Variants in LRP1B observed in about 807,000 individuals in gnomAD.
LRP1B encodes the protein LDL receptor related protein 1B.
LRP1B carries 217 observed loss-of-function variants against 556.6 expected under a neutral mutation model. That is an observed-to-expected ratio of 0.39 (90% CI 0.35 to 0.44). The LOEUF is 0.44. Ranked by LOEUF, LRP1B falls within the 20% of genes least tolerant of loss-of-function variation. The pLI is 1.00. For synonymous variants in LRP1B, 2,047 were observed against 1,865.8 expected (o/e 1.10, Z -2.50); for missense variants, 5,053 against 5,620.8 (o/e 0.90, Z 3.23).
intron 66 of LRP1B, among the ~76,000 whole-genome samples, chr2:140,397,887 T>G (rs1684321145): frequency 6.6e-6 from 1 of 152,202 alleles, no homozygotes; most frequent in Non-Finnish European, 1.5e-5. Context: ...ATTTATATAT[T>G]TATCTTGTTC....
At chr2:141,822,853 A>G (rs1200072759) in intron 1 of LRP1B, among the ~76,000 whole-genome samples, 1 of 152,186 alleles carries the variant, frequency 6.6e-6, no homozygotes, top group Non-Finnish European at 1.5e-5. Context: ...ATGGTTTAGT[A>G]AAGCGGTGGG....
At chr2:140,432,368 G>A (rs1685987964) in intron 66 of LRP1B, among the ~76,000 whole-genome samples, 1 of 152,196 alleles carries the variant, frequency 6.6e-6, no homozygotes, top group South Asian at 2.1e-4. Flanking sequence ...CTCACACAAA[G>A]CCTGTTTGGT....
At chr2:141,522,841 A>C (rs1684572884) in intron 2 of LRP1B, among the ~76,000 whole-genome samples, 2 of 152,114 alleles carry the variant, frequency 1.3e-5, no homozygotes, top group African/African-American at 4.8e-5. Context: ...CTTTTATCTT[A>C]TCTGTGAGCA....
At chr2:140,604,611 T>C (rs1346772612) in intron 41 of LRP1B, among the ~76,000 whole-genome samples, 1 of 152,092 alleles carries the variant, frequency 6.6e-6, no homozygotes, top group South Asian at 2.1e-4. Context: ...GGAAAGGCAG[T>C]GAAGGGTATT....
intron 7 of LRP1B, among the ~76,000 whole-genome samples, chr2:141,073,809 C>T (rs1699709951): frequency 6.6e-6 from 1 of 152,064 alleles, no homozygotes; most frequent in South Asian, 2.1e-4. Flanking sequence ...CAACTTATCA[C>T]CACATCCTGC....
intron 3 of LRP1B, among the ~76,000 whole-genome samples, chr2:141,342,962 G>C (rs1430963222): frequency 6.6e-6 from 1 of 152,056 alleles, no homozygotes; most frequent in African/African-American, 2.4e-5. Flanking sequence ...AAATGTTAAG[G>C]GCAGCCAGAG....
rs2105324419 is a variant in LRP1B, at chr2:140,457,648, G to A, written c.9629C>T (p.Pro3210Leu). ...AATCACCCCTGGAATATCTTGATTA[G>A]GGACTGTAATAGGAGATGGTAAGAT... ...NMDGSHRHKV[P>L]NQDIPGVIAL... Residue 3210 changes from proline to leucine, a missense_variant, in exon 61 of 91, where the codon CCT (proline) becomes CTT (leucine). Physicochemically the swap from Pro to Leu is moderately conservative, Grantham distance 98. Around this residue, in one of 5 missense-constraint regions of LRP1B, gnomAD observed 262 missense variants for 395.1 expected, o/e 0.66. Transcript: ENST00000389484. 1.2e-6 allele frequency: 2 copies of A among 1,611,644 alleles called. No homozygotes were observed. The highest frequency in any genetic ancestry group is 1.7e-6 in the Non-Finnish European group (2 of 1,177,938).
rs766108251 is a variant in LRP1B, at chr2:140,716,782, G to T, written c.5793C>A (p.Phe1931Leu). ...NDTIYWTDMG[F>L]NKISRAKRDQ... ...CTCTTTTAGCTCTGCTAATTTTATTGAAGCCCATGTCTGTCCAGTAGATGG... is the reference window on the plus strand; with the variant it reads ...CTCTTTTAGCTCTGCTAATTTTATTTAAGCCCATGTCTGTCCAGTAGATGG... The change falls in exon 36 of 91, where the codon TTC (phenylalanine) becomes TTA (leucine). Residue 1931 changes from phenylalanine to leucine, a missense_variant. By Grantham distance (22) the Phe-to-Leu change is conservative. Transcript: ENST00000389484. The T allele has an allele frequency of 1.9e-6, 3 of 1,607,788 alleles. No homozygotes were observed. The highest frequency in any genetic ancestry group is 2.6e-6 in the Non-Finnish European group (3 of 1,175,398).
intron 2 of LRP1B, among the ~76,000 whole-genome samples, chr2:141,713,115 ACT>A (rs1300461342): frequency 6.8e-6 from 1 of 147,416 alleles, no homozygotes; most frequent in East Asian, 2.0e-4. Context: ...ACAGGGTCTC[ACT>A]CTGTCAGTGG....
chr2:140,879,877 G>C (rs1224723831), intron 25 of LRP1B, among the ~76,000 whole-genome samples: 2 of 150,836 alleles, frequency 1.3e-5, no homozygotes, highest in African/African-American at 4.9e-5. Flanking sequence ...ACAACTTGTA[G>C]CATTATAGGC....
At chr2:141,333,937 C>T (rs149216741) in intron 3 of LRP1B, among the ~76,000 whole-genome samples, 201 of 152,216 alleles carry the variant, frequency 1.3e-3, no homozygotes, top group African/African-American at 4.7e-3. Context: ...GATGACATTC[C>T]TGATCTCCTT....
At chr2:140,973,451 T>C (rs540454863) in intron 18 of LRP1B, among the ~76,000 whole-genome samples, 51 of 152,220 alleles carry the variant, frequency 3.4e-4, no homozygotes, top group African/African-American at 1.2e-3. Context: ...CTCACTCATG[T>C]ACATATTTTG....
chr2:141,342,274 A>AAAATAAAAT (rs1553499762), intron 3 of LRP1B, among the ~76,000 whole-genome samples: 4 of 142,030 alleles, frequency 2.8e-5, no homozygotes, highest in African/African-American at 1.0e-4. Flanking sequence ...AAATAAAAAT[A>AAAATAAAAT]AAATAAATAA....
intron 41 of LRP1B, among the ~76,000 whole-genome samples, chr2:140,610,775 C>T (rs971559861): frequency 5.9e-5 from 9 of 152,066 alleles, no homozygotes; most frequent in Non-Finnish European, 1.2e-4. Flanking sequence ...TTAGTGGAGA[C>T]GGGATTTCGC....
chr2:140,483,638 A>ATTTTTT (rs1378417792), intron 59 of LRP1B, among the ~76,000 whole-genome samples: 1 of 74,074 alleles, frequency 1.3e-5, no homozygotes, highest in African/African-American at 5.3e-5. Flanking sequence ...ATATATATAT[A>ATTTTTT]TATTTTTTTT....
intron 3 of LRP1B, among the ~76,000 whole-genome samples, chr2:141,419,853 C>T (rs1680073242): frequency 6.6e-6 from 1 of 151,680 alleles, no homozygotes; most frequent in African/African-American, 2.4e-5. Flanking sequence ...ATCTTTATTT[C>T]ATTTCATTTC....
intron 50 of LRP1B, among the ~76,000 whole-genome samples, chr2:140,516,392 A>G (rs1689900445): frequency 6.6e-6 from 1 of 152,056 alleles, no homozygotes; most frequent in South Asian, 2.1e-4. Flanking sequence ...TAAAATGTAC[A>G]GGATGATGTG....
chr2:140,532,228 A>G (rs6734931), intron 47 of LRP1B, among the ~76,000 whole-genome samples: 75,464 of 151,872 alleles, frequency 0.5, 19,101 homozygotes, highest in East Asian at 0.61. Flanking sequence ...TATTCTTTTC[A>G]TTCCTTTTTG....
intron 31 of LRP1B, among the ~76,000 whole-genome samples, chr2:140,829,283 T>C (rs191867819): frequency 6.6e-6 from 1 of 152,232 alleles, no homozygotes; most frequent in East Asian, 1.9e-4. Context: ...ACCAAATGAA[T>C]CAAACTGACA....
Sources: allele counts gnomAD v4.1 joint callset (sites outside exome capture counted in the v4.1 genomes callset), GRCh38; gene constraint gnomAD v4.1.1; regional missense constraint gnomAD v4.1.1; transcripts MANE v1.5; gene names NCBI Gene and HGNC (gene_info 2026-07-23, HGNC 2026-07-21).